TTC7B: variants seen among roughly 807,000 people sequenced by gnomAD.
TTC7B encodes tetratricopeptide repeat domain 7B, also known as tetratricopeptide repeat protein 7B.
A neutral mutation model predicts 106.8 loss-of-function variants in TTC7B; 28 were observed. The observed-to-expected ratio is 0.26, with a 90% CI of 0.19 to 0.36. The LOEUF (loss-of-function observed/expected upper bound fraction) is 0.36, where lower values mean the gene tolerates loss of function less well. Ranked by LOEUF, TTC7B falls within the 10% of genes least tolerant of loss-of-function variation. The pLI, the probability that TTC7B is intolerant of heterozygous loss-of-function variation, is 1.00. For missense variants in TTC7B, 862 were observed against 1,076.4 expected (o/e 0.80, Z 2.79); for synonymous variants, 405 against 430.6 (o/e 0.94, Z 0.74).
rs1047708323 is a variant in TTC7B, at chr14:90,657,932, G to A, written c.1236+372C>T. 2 of 249,414 alleles carry A rather than the reference G, an allele frequency of 8.0e-6. No individual in the cohort carries two copies. Among genetic ancestry groups the A allele is most frequent in the African/African-American group, 4.5e-5 (2 of 44,180 alleles). The allele number at this position is 249,414 out of a possible 1,614,324, so 15.5% of individuals were successfully genotyped here. ...AGCCCACATTTTCATCCAGTATCAT[G>A]CACTGCCTAATATAACACATTGCTC... On this transcript the variant is annotated intron_variant, in intron 10 of 19. Coordinates refer to ENST00000328459, the MANE Select transcript of TTC7B (RefSeq NM_001010854.2). The surrounding 1 kb of genome is among the most constrained non-coding windows in gnomAD (Gnocchi z 4.2).
chr14:90,605,829 A>C, intron 17 of TTC7B: 1 of 1,129,960 alleles, frequency 8.8e-7, no homozygotes, highest in Non-Finnish European at 1.1e-6. Flanking sequence ...AAAAAAATAA[A>C]CTCGCTTTTA....
chr14:90,733,296 A>G (rs1285996128), intron 4 of TTC7B, among the ~76,000 whole-genome samples: 2 of 151,502 alleles, frequency 1.3e-5, no homozygotes, highest in African/African-American at 4.9e-5. Context: ...GAGGTGCCCG[A>G]ATCATGTGGC....
At chr14:90,730,756 C>T (rs76875038) in intron 4 of TTC7B, among the ~76,000 whole-genome samples, 7,395 of 152,254 alleles carry the variant, frequency 0.049, 212 homozygotes, top group Non-Finnish European at 0.062. Context: ...GGTTGGGCTG[C>T]GTGGCAGTCC....
At chr14:90,543,318 A>G (rs1010315603) in intron 19 of TTC7B, among the ~76,000 whole-genome samples, 2 of 152,130 alleles carry the variant, frequency 1.3e-5, no homozygotes, top group Admixed American at 6.6e-5. Flanking sequence ...TAAGTAGTTG[A>G]CTACTTTATC....
intron 12 of TTC7B, among the ~76,000 whole-genome samples, chr14:90,653,807 A>G (rs967893011): frequency 6.6e-6 from 1 of 152,166 alleles, no homozygotes; most frequent in African/African-American, 2.4e-5. Flanking sequence ...CAACTGACCC[A>G]AGAATGGAAA....
At chr14:90,719,988 A>C (rs1038141790) in intron 5 of TTC7B, among the ~76,000 whole-genome samples, 2 of 151,580 alleles carry the variant, frequency 1.3e-5, no homozygotes, top group African/African-American at 4.9e-5. Context: ...CAAATTCACA[A>C]ACTTTCTTGA....
rs995868074 is a variant in TTC7B, at chr14:90,534,776, G to A, written c.*6592C>T. The A allele has an allele frequency of 6.6e-6, 1 of 152,510 alleles. No homozygotes were observed. Among genetic ancestry groups the A allele is most frequent in the Non-Finnish European group, 1.5e-5 (1 of 68,326 alleles). 9.4% of individuals were successfully genotyped at this position (152,510 alleles called of 1,614,324 possible). A position where few individuals can be genotyped will look rare whatever the true frequency, so the allele number is the denominator to read the frequency against. ...AGCCTGGAGCCGGCTGTGCTGCAGGGACCTGGGCTGGGGCTGGGGCAGCAG... is the reference window on the plus strand; with the variant it reads ...AGCCTGGAGCCGGCTGTGCTGCAGGAACCTGGGCTGGGGCTGGGGCAGCAG... On this transcript the variant is annotated 3_prime_UTR_variant, in exon 20 of 20. Coordinates refer to ENST00000328459, the MANE Select transcript of TTC7B (RefSeq NM_001010854.2).
intron 17 of TTC7B, chr14:90,603,419 C>T (rs997201334): frequency 3.2e-6 from 2 of 620,394 alleles, no homozygotes; most frequent in Non-Finnish European, 2.5e-6. Flanking sequence ...GTAAGTCTGG[C>T]TGTCTAGAAT....
Position 90,802,827 on chromosome 14 carries a change from G to A in TTC7B, c.121+13348C>T, listed in dbSNP as rs887458032. 6.6e-6 allele frequency among the ~76,000 whole-genome samples: 1 copy of A among 152,040 alleles called. No individual in the cohort carries two copies. The highest frequency in any genetic ancestry group is 2.4e-5 in the African/African-American group (1 of 41,400). On this transcript the variant is annotated intron_variant, in intron 1 of 19. Coordinates refer to ENST00000328459, the MANE Select transcript of TTC7B (RefSeq NM_001010854.2). The surrounding 1 kb of genome is among the most constrained non-coding windows in gnomAD (Gnocchi z 4.7). ...GTCAAGCAGCGGGGTTAGAAGAGAA[G>A]GGCACACACCTCTCCTAGAAAACAT...
At chr14:90,627,604 G>A (rs1173702167) in intron 15 of TTC7B, among the ~76,000 whole-genome samples, 1 of 152,168 alleles carries the variant, frequency 6.6e-6, no homozygotes, top group African/African-American at 2.4e-5. Flanking sequence ...TGGCCGTCCC[G>A]GGTGGTTTGG....
At chr14:90,777,908 A>G (rs1276572853) in intron 3 of TTC7B, among the ~76,000 whole-genome samples, 1 of 152,212 alleles carries the variant, frequency 6.6e-6, no homozygotes, top group Non-Finnish European at 1.5e-5. Context: ...GCACTGTAGA[A>G]GCATTTTATG....
At chr14:90,559,839 C>T (rs1264039891) in intron 19 of TTC7B, among the ~76,000 whole-genome samples, 1 of 152,266 alleles carries the variant, frequency 6.6e-6, no homozygotes, top group African/African-American at 2.4e-5. Context: ...CACACGGCCA[C>T]ATGGCCAAGG....
chr14:90,571,867 G>A (rs1005081818), intron 19 of TTC7B, among the ~76,000 whole-genome samples: 3 of 152,162 alleles, frequency 2.0e-5, no homozygotes, highest in African/African-American at 7.2e-5. Context: ...CTGGATCCTG[G>A]GTAGCCCTCA....
At chr14:90,593,672 A>T (rs1240054819) in intron 17 of TTC7B, 46 bp from the exon 18 acceptor site, 2 of 1,518,276 alleles carry the variant, frequency 1.3e-6, no homozygotes, top group African/African-American at 2.8e-5. Context: ...GAAAGAACAG[A>T]CCCAACCAAT....
intron 3 of TTC7B, among the ~76,000 whole-genome samples, chr14:90,752,709 C>T (rs56239257): frequency 3.9e-5 from 6 of 152,096 alleles, no homozygotes; most frequent in Admixed American, 2.6e-4. Context: ...AAGGTGTTAA[C>T]ACCACCTTAT....
At chr14:90,767,346 G>A (rs1337449580) in intron 3 of TTC7B, among the ~76,000 whole-genome samples, 1 of 152,198 alleles carries the variant, frequency 6.6e-6, no homozygotes, top group Non-Finnish European at 1.5e-5. Flanking sequence ...AGAAATTATT[G>A]AGAATAAGTG....
chr14:90,732,346 T>C (rs187235893), intron 4 of TTC7B, among the ~76,000 whole-genome samples: 2 of 152,264 alleles, frequency 1.3e-5, no homozygotes, highest in Middle Eastern at 3.4e-3. Flanking sequence ...GCCTCCTGAA[T>C]GGAGTCTCCA....
intron 9 of TTC7B, among the ~76,000 whole-genome samples, chr14:90,659,215 G>T (rs1241071597): frequency 7.3e-6 from 1 of 137,446 alleles, no homozygotes; most frequent in African/African-American, 2.5e-5. Flanking sequence ...GAGTGTGATT[G>T]TGTGTGTGTG....
intron 5 of TTC7B, among the ~76,000 whole-genome samples, chr14:90,727,776 C>T (rs1889164852): frequency 6.6e-6 from 1 of 152,184 alleles, no homozygotes; most frequent in African/African-American, 2.4e-5. Flanking sequence ...GTGTATTTTC[C>T]TACTACTGAA....
Sources: allele counts gnomAD v4.1 joint callset (sites outside exome capture counted in the v4.1 genomes callset), GRCh38; gene constraint gnomAD v4.1.1; non-coding constraint Gnocchi (gnomAD v3.1); transcripts MANE v1.5; gene names NCBI Gene and HGNC (gene_info 2026-07-23, HGNC 2026-07-21).